Variants in USP18 observed in about 807,000 individuals in gnomAD.
USP18 encodes the protein ubl carboxyl-terminal hydrolase 18.
Under a neutral mutation model 48.7 loss-of-function variants are expected in USP18, and 11 were observed. The ratio of observed to expected loss-of-function variants is 0.23; its 90% CI spans 0.14 to 0.37. The LOEUF (loss-of-function observed/expected upper bound fraction) is 0.37. USP18 is among the 10% of genes least tolerant of loss of function. USP18 has a pLI of 1.00. For synonymous variants in USP18, 114 were observed against 163.2 expected, an observed-to-expected ratio of 0.70 and a Z score of 2.30; for missense variants, 285 against 436.4, an observed-to-expected ratio of 0.65 and a Z score of 3.09.
chr22:18,160,524 G>C (rs1254400570), intron 3 of USP18, among the ~76,000 whole-genome samples: 1 of 151,786 alleles, frequency 6.6e-6, no homozygotes, highest in Non-Finnish European at 1.5e-5. Context: ...GGAAGGTCTC[G>C]ATCTCCTGAC....
In USP18 at chr22:18,157,620, G is replaced by A. The variant is rs761834157; in HGVS notation, c.-44G>A. The A allele has an allele frequency of 1.2e-6, 2 of 1,612,426 alleles. No individual in the cohort carries two copies. Among genetic ancestry groups the A allele is most frequent in the Non-Finnish European group, 1.7e-6 (2 of 1,178,846 alleles). ...GAAGTGAAGTCGTGCTGTCCTGAAC[G>A]CGGGCCAGGCAGCTGCGGCCTGGGG... is the stretch of plus-strand genomic sequence containing the variant. On this transcript the variant is annotated 5_prime_UTR_variant, in exon 2 of 11. Transcript: ENST00000215794.
intron 1 of USP18, among the ~76,000 whole-genome samples, chr22:18,156,877 G>A (rs547189949): frequency 7.9e-5 from 12 of 152,348 alleles, no homozygotes; most frequent in Admixed American, 7.8e-4. Flanking sequence ...GACACACTGG[G>A]TTCCAAGGCG....
chr22:18,157,882 C>G lies in USP18; in HGVS notation c.157+62C>G, dbSNP rs1272108047. ...CATGTAAATGTTCGGCTCACCCCCT[C>G]CGCTCTGAAGCCGCAGAGCTTTGTA... is the stretch of plus-strand genomic sequence containing the variant. On this transcript the variant is annotated intron_variant, in intron 2 of 10. Coordinates refer to ENST00000215794, the MANE Select transcript of USP18 (RefSeq NM_017414.4). 3 of 1,599,900 alleles carry G rather than the reference C, an allele frequency of 1.9e-6. No individual in the cohort carries two copies. The East Asian group carries it at 6.7e-5, about 36-fold the overall frequency.
rs769160740 is a variant in USP18, at chr22:18,157,793, C to T, written c.130C>T (p.Arg44Cys). 20 of 1,613,980 alleles carry T rather than the reference C, an allele frequency of 1.2e-5. No homozygotes were observed. The South Asian group carries it at 1.5e-4, about 12-fold the overall frequency. Reference sequence around the variant, plus strand: ...CATGAAGAGAGAGCAGCCCAGAGAGCGTCCCAGGGCCTGGGACTACCCTCA... The same window carrying T: ...CATGAAGAGAGAGCAGCCCAGAGAGTGTCCCAGGGCCTGGGACTACCCTCA... ...SNMKREQPRE[R>C]PRAWDYPHGL... The change falls in exon 2 of 11, where the codon CGT (arginine) becomes TGT (cysteine). Residue 44 changes from arginine (R) to cysteine (C), a missense_variant. This residue lies in a region of USP18 where 199 missense variants were observed against 239.6 expected (regional missense o/e 0.83). Coordinates refer to ENST00000215794, the MANE Select transcript of USP18 (RefSeq NM_017414.4).
In USP18 at chr22:18,172,477, A is replaced by G. The variant is rs151100414; in HGVS notation, c.892-673A>G. Among the ~76,000 whole-genome samples, 277 of 152,170 alleles carry G rather than the reference A, an allele frequency of 1.8e-3. 2 individuals carry two copies. The highest frequency in any genetic ancestry group is 6.3e-3 in the African/African-American group (262 of 41,532). On this transcript the variant is annotated intron_variant, in intron 8 of 10. Transcript: ENST00000215794. ...AGATCCAAACAACGCCTACACTTGC[A>G]TTTGGTTAAGTTTCTTTCTTTTCTT...
chr22:18,155,898 G>C (rs1026937678), intron 1 of USP18, among the ~76,000 whole-genome samples: 4 of 152,270 alleles, frequency 2.6e-5, no homozygotes, highest in Non-Finnish European at 4.4e-5. Context: ...CTGGCAGGCA[G>C]CTCCACCTGC....
intron 10 of USP18, among the ~76,000 whole-genome samples, 158 bp downstream of exon 10, chr22:18,174,000 C>T (rs778983540): frequency 3.3e-5 from 5 of 152,092 alleles, no homozygotes; most frequent in Admixed American, 6.5e-5. Flanking sequence ...TTGCCTCACA[C>T]GTCACACTCC....
At chr22:18,152,453 G>C (rs1427182597) in intron 1 of USP18, among the ~76,000 whole-genome samples, 2 of 130,668 alleles carry the variant, frequency 1.5e-5, no homozygotes, top group Non-Finnish European at 1.6e-5. Flanking sequence ...ATGAGAGAAC[G>C]TGAACCAAAA....
chr22:18,157,109 G>C (rs140690098), intron 1 of USP18, among the ~76,000 whole-genome samples: 36 of 152,368 alleles, frequency 2.4e-4, no homozygotes, highest in African/African-American at 8.7e-4. Flanking sequence ...TTATCTGACT[G>C]CTGCAGCTGG....
At chr22:18,158,620 G>A (rs1157646842) in intron 2 of USP18, among the ~76,000 whole-genome samples, 1 of 152,096 alleles carries the variant, frequency 6.6e-6, no homozygotes, top group Non-Finnish European at 1.5e-5. Context: ...AGGTTGGGTT[G>A]GAAAAGAGGA....
Position 18,157,615 on chromosome 22 carries a change from T to C in USP18, c.-49T>C. The C allele has an allele frequency of 6.2e-7, 1 of 1,612,430 alleles. No individual in the cohort carries two copies. The highest frequency in any genetic ancestry group is 8.5e-7 in the Non-Finnish European group (1 of 1,178,880). The stretch of plus-strand genomic sequence containing the variant: ...TCCTGGAAGTGAAGTCGTGCTGTCC[T>C]GAACGCGGGCCAGGCAGCTGCGGCC... On this transcript the variant is annotated 5_prime_UTR_variant, in exon 2 of 11. Coordinates refer to ENST00000215794, the MANE Select transcript of USP18 (RefSeq NM_017414.4).
At chr22:18,164,649 A>G (rs1407181667) in intron 4 of USP18, among the ~76,000 whole-genome samples, 2 of 152,126 alleles carry the variant, frequency 1.3e-5, no homozygotes, top group South Asian at 2.1e-4. Context: ...ATATCCTTCC[A>G]GGGAGAAACT....
At chr22:18,159,078 TG>T (rs1929247678) in intron 2 of USP18, among the ~76,000 whole-genome samples, 1 of 152,154 alleles carries the variant, frequency 6.6e-6, no homozygotes, top group Non-Finnish European at 1.5e-5. Context: ...GTGTGTGAGA[TG>T]GAGTTTTGCT....
chr22:18,158,711 C>T (rs1232700559), intron 2 of USP18, among the ~76,000 whole-genome samples: 1 of 152,176 alleles, frequency 6.6e-6, no homozygotes, highest in Non-Finnish European at 1.5e-5. Context: ...TTCAGCCTCT[C>T]AGGGTGACAC....
intron 7 of USP18, 33 bp from the exon 8 acceptor site, chr22:18,170,720 G>C: frequency 1.2e-6 from 2 of 1,607,848 alleles, no homozygotes; most frequent in Non-Finnish European, 1.7e-6. Flanking sequence ...ATTCCAAGTA[G>C]ACTTCATCTC....
intron 4 of USP18, among the ~76,000 whole-genome samples, chr22:18,164,757 G>T (rs111765044): frequency 2.6e-5 from 4 of 152,182 alleles, no homozygotes; most frequent in African/African-American, 7.2e-5. Context: ...CTCTGTGGTC[G>T]CAGAGGATTC....
At chr22:18,169,423 A>C (rs1169634086) in intron 6 of USP18, among the ~76,000 whole-genome samples, 1 of 152,214 alleles carries the variant, frequency 6.6e-6, no homozygotes, top group Non-Finnish European at 1.5e-5. Context: ...AAAAACATAA[A>C]AAAATTAGCT....
chr22:18,169,888 C>G lies in USP18; in HGVS notation c.672C>G (p.Ser224Arg), dbSNP rs369689873. The G allele has an allele frequency of 1.1e-5, 18 of 1,608,370 alleles. No individual in the cohort carries two copies. The highest frequency in any genetic ancestry group is 1.5e-5 in the Non-Finnish European group (18 of 1,177,230). ...HCFFQPRELS[S>R]KSKCFCENCG... ...TCTTCCAGCCCAGGGAGTTATCAAG[C>G]AAAAGCAAGTGCTTCTGTGAGAACT... The change falls in exon 7 of 11, where the codon AGC (serine) becomes AGG (arginine). Residue 224 changes from serine (S) to arginine (R), a missense_variant. Ser to Arg is a moderately radical substitution (Grantham distance 110). Around this residue, in one of 5 missense-constraint regions of USP18, gnomAD observed 34 missense variants for 94.8 expected, o/e 0.36. Transcript: ENST00000215794.
intron 4 of USP18, among the ~76,000 whole-genome samples, chr22:18,164,183 C>T (rs1450625825): frequency 6.6e-6 from 1 of 152,144 alleles, no homozygotes; most frequent in Non-Finnish European, 1.5e-5. Context: ...GCTCACCTGC[C>T]TGTTCAGGGT....
Sources: allele counts gnomAD v4.1 joint callset (sites outside exome capture counted in the v4.1 genomes callset), GRCh38; gene constraint gnomAD v4.1.1; regional missense constraint gnomAD v4.1.1; transcripts MANE v1.5; gene names NCBI Gene and HGNC (gene_info 2026-07-23, HGNC 2026-07-21).